Variants in OR10R2 observed in about 807,000 individuals in gnomAD.
OR10R2 encodes the protein olfactory receptor 10R2.
A neutral mutation model predicts 2.4 loss-of-function variants in OR10R2; 1 was observed. The ratio of observed to expected loss-of-function variants is 0.41; its 90% confidence interval spans 0.15 to 1.95. The LOEUF is 1.95. Ranked by LOEUF, OR10R2 falls within the 30% of genes most tolerant of loss-of-function variation. The pLI, the probability that OR10R2 is intolerant of heterozygous loss-of-function variation, is 0.30. For synonymous variants in OR10R2, 166 were observed against 144.8 expected, an observed-to-expected ratio of 1.15 and a Z score of -1.05; for missense variants, 419 against 373.0, an observed-to-expected ratio of 1.12 and a Z score of -1.01.
intron 1 of OR10R2, among the ~76,000 whole-genome samples, chr1:158,476,938 G>A (rs112681345): frequency 1.3e-5 from 2 of 151,890 alleles, no homozygotes; most frequent in African/African-American, 4.8e-5. Context: ...ATTGTTTTTT[G>A]CTTGATTTGT....
chr1:158,479,832 A>T, intron 1 of OR10R2, 106 bp from the exon 2 acceptor site: 3 of 1,207,624 alleles, frequency 2.5e-6, no homozygotes, highest in East Asian at 2.3e-5. Flanking sequence ...GGTGAATAAA[A>T]GGCAAGATTC....
chr1:158,478,370 T>C (rs749902211), intron 1 of OR10R2, among the ~76,000 whole-genome samples: 8 of 152,144 alleles, frequency 5.3e-5, no homozygotes, highest in Non-Finnish European at 1.0e-4. Context: ...AAGAGATTCT[T>C]ATTTCTACCT....
At chr1:158,480,615 G>A (rs868609328) in exon 2 of OR10R2, 1 of 1,613,700 alleles carries the variant, frequency 6.2e-7, no homozygotes, top group Middle Eastern at 1.6e-4. Context: ...GGACTATCCT[G>A]AAGATTCCCT....
At chr1:158,475,823 T>C (rs1304747998) in intron 1 of OR10R2, among the ~76,000 whole-genome samples, 3 of 151,914 alleles carry the variant, frequency 2.0e-5, no homozygotes, top group South Asian at 2.1e-4. Flanking sequence ...TCTAATCCTT[T>C]ACATTTTTTT....
chr1:158,480,670 C>T (rs750788769), exon 2 of OR10R2: 1 of 1,613,848 alleles, frequency 6.2e-7, no homozygotes, highest in Non-Finnish European at 8.5e-7. Context: ...CGCCTCTCAC[C>T]TCAGTGTTGT....
chr1:158,480,557 T>C, exon 2 of OR10R2: 2 of 1,613,620 alleles, frequency 1.2e-6, no homozygotes, highest in Non-Finnish European at 1.7e-6. Context: ...GTTCTTGTAC[T>C]TGTGGTTCCC....
chr1:158,476,249 T>TA (rs76215055), intron 1 of OR10R2, among the ~76,000 whole-genome samples: 58 of 152,206 alleles, frequency 3.8e-4, no homozygotes, highest in African/African-American at 1.3e-3. Flanking sequence ...CTATATTTTT[T>TA]AAAAAAAATT....
rs1355985946 is a variant in OR10R2 at position 158,480,608 on chromosome 1, C to T, written c.698C>T (p.Thr233Ile). The T allele has an allele frequency of 2.5e-6, 4 of 1,613,582 alleles. No individual in the cohort carries two copies. In the East Asian group the frequency reaches 6.7e-5, roughly 27 times the overall value. Reference sequence around the variant, plus strand: ...GTTTCTTATCTCTGCATTCTGAGGACTATCCTGAAGATTCCCTCAGCTGAG... The same window carrying T: ...GTTTCTTATCTCTGCATTCTGAGGATTATCCTGAAGATTCCCTCAGCTGAG... Residue 233 changes from threonine (T) to isoleucine (I), a missense_variant, in exon 2 of 2, where the codon ACT (threonine) becomes ATT (isoleucine). Thr to Ile is a moderately conservative substitution (Grantham distance 89). Coordinates refer to ENST00000641067, the Ensembl canonical transcript of OR10R2.
chr1:158,480,061 A>C, exon 2 of OR10R2: 1 of 1,613,930 alleles, frequency 6.2e-7, no homozygotes, highest in Non-Finnish European at 8.5e-7. Flanking sequence ...TCTTAGTGGC[A>C]ATGTCACCAT....
rs554076323 is a variant in OR10R2, at chr1:158,476,583, T to A, written c.28-3355T>A. The stretch of plus-strand genomic sequence containing the variant: ...AAAAAAAGGAAAAAAATTAAAATAA[T>A]TAAACTTAAAAAATTAATGTTTTAA... On this transcript the variant is annotated intron_variant, in intron 1 of 1. Transcript: ENST00000641067. Among the ~76,000 whole-genome samples, 15 of 151,180 alleles carry A rather than the reference T, an allele frequency of 9.9e-5. No individual in the cohort carries two copies. In the South Asian group the frequency reaches 2.9e-3, roughly 29 times the overall value.
rs199523560 is a variant in OR10R2 at position 158,474,942 on chromosome 1, A to T, written c.27+2590A>T. On this transcript the variant is annotated intron_variant, in intron 1 of 1. Coordinates refer to ENST00000641067, the Ensembl canonical transcript of OR10R2. ...CCTATAAGACAAAGAGACCAGCAAA[A>T]AAAAATTAATAATAGTTAAGAAAAT... 3.3e-5 allele frequency among the ~76,000 whole-genome samples: 5 copies of T among 152,270 alleles called. No homozygotes were observed. The East Asian group carries it at 9.6e-4, about 29-fold the overall frequency.
intron 1 of OR10R2, chr1:158,474,676 A>G (rs1208578220): frequency 6.6e-6 from 1 of 152,208 alleles, no homozygotes; most frequent in Non-Finnish European, 1.5e-5. Flanking sequence ...ATCTGCAAGA[A>G]AAAGTACAAA....
exon 2 of OR10R2, chr1:158,480,049 A>T (rs150276430): frequency 1.2e-6 from 2 of 1,613,858 alleles, no homozygotes; most frequent in Non-Finnish European, 1.7e-6. Context: ...GTATCTAGTC[A>T]TTCTTAGTGG....
chr1:158,475,298 A>G (rs1008533144), intron 1 of OR10R2, among the ~76,000 whole-genome samples: 7 of 152,158 alleles, frequency 4.6e-5, no homozygotes, highest in African/African-American at 1.7e-4. Context: ...ACTTTTAAGA[A>G]ATAGAATATT....
intron 1 of OR10R2, among the ~76,000 whole-genome samples, chr1:158,477,392 C>T (rs1332960296): frequency 1.3e-5 from 2 of 152,116 alleles, no homozygotes; most frequent in Non-Finnish European, 2.9e-5. Flanking sequence ...TATTCCATAT[C>T]TAGAAAACTA....
At chr1:158,473,792 T>C (rs1255538920) in intron 1 of OR10R2, among the ~76,000 whole-genome samples, 4,976 of 36,352 alleles carry the variant, frequency 0.14, 534 homozygotes, top group Middle Eastern at 0.31. Flanking sequence ...CCTTCCCTCT[T>C]TCCCTCTCTG....
intron 1 of OR10R2, among the ~76,000 whole-genome samples, chr1:158,476,412 G>A (rs1656270384): frequency 6.6e-6 from 1 of 151,776 alleles, no homozygotes; most frequent in Non-Finnish European, 1.5e-5. Context: ...GCTGGGCGTG[G>A]TGGCAGGTGC....
exon 2 of OR10R2, chr1:158,480,119 T>A: frequency 6.2e-7 from 1 of 1,613,276 alleles, no homozygotes. Context: ...CCAATGTACT[T>A]CTTCCTTGGC....
intron 1 of OR10R2, among the ~76,000 whole-genome samples, chr1:158,472,919 C>T (rs1656191056): frequency 1.3e-5 from 2 of 152,136 alleles, no homozygotes; most frequent in Admixed American, 6.6e-5. Context: ...TAATTCTGGG[C>T]TACATTTTTT....
Sources: gnomAD v4.1 joint callset for allele counts (sites outside exome capture counted in the v4.1 genomes callset) on GRCh38, gnomAD v4.1.1 for gene constraint, MANE v1.5 for transcripts, NCBI Gene and HGNC (gene_info 2026-07-23, HGNC 2026-07-21) for gene names.